Variants in FAM13C observed in about 807,000 individuals in gnomAD.
FAM13C encodes protein FAM13C.
Under a neutral mutation model 73.2 loss-of-function variants are expected in FAM13C, and 37 were observed. The ratio of observed to expected loss-of-function variants is 0.51; its 90% CI spans 0.39 to 0.67. The LOEUF (loss-of-function observed/expected upper bound fraction) is 0.67, where lower values mean the gene tolerates loss of function less well. Ranked by LOEUF, FAM13C falls within the 30% of genes least tolerant of loss-of-function variation. The probability of loss-of-function intolerance (pLI) is 0.00; values close to 1 mark genes in which losing one functional copy is unlikely to be tolerated. For missense variants in FAM13C, 589 were observed against 715.6 expected, an observed-to-expected ratio of 0.82 and a Z score of 2.02; for synonymous variants, 246 against 260.9, an observed-to-expected ratio of 0.94 and a Z score of 0.55.
rs1307766815 is a variant in FAM13C at position 59,246,862 on chromosome 10, T to C, written c.*752A>G. 7 of 376,004 alleles carry C rather than the reference T, an allele frequency of 1.9e-5. No homozygotes were observed. Among genetic ancestry groups the C allele is most frequent in the Non-Finnish European group, 2.8e-5 (6 of 212,278 alleles). 23.3% of individuals were successfully genotyped at this position (376,004 alleles called of 1,614,324 possible). A position where few individuals can be genotyped will look rare whatever the true frequency, so the allele number is the denominator to read the frequency against. On this transcript the variant is annotated 3_prime_UTR_variant, in exon 14 of 14. Transcript: ENST00000618804. ...CATTAGATTATATACTACAGACACA[T>C]ATCTATCCAAAATACCTATTTTAAA...
rs189345146 is a variant in FAM13C, at chr10:59,297,953, A to C, written c.507+4848T>G. 3.0e-3 allele frequency among the ~76,000 whole-genome samples: 462 copies of C among 152,094 alleles called. 3 individuals are homozygous for C. Among genetic ancestry groups the C allele is most frequent in the African/African-American group, 0.011 (442 of 41,510 alleles). Reference sequence around the variant, plus strand: ...GAAGTATTTCTCCCATTGATGCCTTAAGTCTTAGCTACCTTGAAATCCCCG... The same window carrying C: ...GAAGTATTTCTCCCATTGATGCCTTCAGTCTTAGCTACCTTGAAATCCCCG... On this transcript the variant is annotated intron_variant, in intron 5 of 13. Transcript: ENST00000618804.
intron 5 of FAM13C, among the ~76,000 whole-genome samples, chr10:59,292,747 C>A (rs1846413363): frequency 1.3e-5 from 2 of 152,132 alleles, no homozygotes; most frequent in South Asian, 4.1e-4. Context: ...TACATATTTA[C>A]AGGGTACACG....
intron 4 of FAM13C, among the ~76,000 whole-genome samples, chr10:59,321,893 G>T (rs1221346432): frequency 1.3e-5 from 2 of 152,046 alleles, no homozygotes; most frequent in African/African-American, 4.8e-5. Context: ...TTCTTACAGT[G>T]TTCATTATAT....
At chr10:59,256,585 C>T (rs1302821609) in intron 10 of FAM13C, among the ~76,000 whole-genome samples, 6 of 152,044 alleles carry the variant, frequency 3.9e-5, no homozygotes, top group African/African-American at 1.4e-4. Flanking sequence ...GGTTCCATAC[C>T]CTCATGCATA....
chr10:59,269,417 T>TACACACACACACACACACAC (rs10532470), intron 7 of FAM13C, among the ~76,000 whole-genome samples: 3 of 146,552 alleles, frequency 2.0e-5, no homozygotes, highest in African/African-American at 7.6e-5. Context: ...GGCATCCGAT[T>TACACACACACACACACACAC]ACACACACAC....
Position 59,315,689 on chromosome 10 carries a change from C to T in FAM13C, c.443+8299G>A, listed in dbSNP as rs116023314. ...ATGCTAGAGCCAGAAGCACTTTGCCCTTAGCACAATGTGAACTAGAACACC... is the reference window on the plus strand; with the variant it reads ...ATGCTAGAGCCAGAAGCACTTTGCCTTTAGCACAATGTGAACTAGAACACC... On this transcript the variant is annotated intron_variant, in intron 4 of 13. Coordinates refer to ENST00000618804, the MANE Select transcript of FAM13C (RefSeq NM_198215.4). Among the ~76,000 whole-genome samples the T allele has an allele frequency of 6.0e-3, 910 of 152,250 alleles. 9 individuals carry two copies. Among genetic ancestry groups the T allele is most frequent in the African/African-American group, 0.021 (873 of 41,548 alleles).
intron 8 of FAM13C, among the ~76,000 whole-genome samples, chr10:59,268,257 A>G (rs562204636): frequency 6.6e-6 from 1 of 152,286 alleles, no homozygotes; most frequent in East Asian, 1.9e-4. Flanking sequence ...GAAGACCATA[A>G]TTCAAAGCTT....
At chr10:59,272,979 A>G (rs942707572) in intron 6 of FAM13C, among the ~76,000 whole-genome samples, 1 of 152,180 alleles carries the variant, frequency 6.6e-6, no homozygotes, top group Non-Finnish European at 1.5e-5. Context: ...ACAATAAAAT[A>G]GGACAATTAT....
intron 5 of FAM13C, among the ~76,000 whole-genome samples, chr10:59,290,227 A>G (rs1846063921): frequency 6.6e-6 from 1 of 152,186 alleles, no homozygotes; most frequent in African/African-American, 2.4e-5. Flanking sequence ...CACAGGCTGG[A>G]TGGTTAAATA....
Position 59,296,019 on chromosome 10 carries a change from A to G in FAM13C, c.507+6782T>C, listed in dbSNP as rs571023369. On this transcript the variant is annotated intron_variant, in intron 5 of 13. Coordinates refer to ENST00000618804, the MANE Select transcript of FAM13C (RefSeq NM_198215.4). Reference sequence around the variant, plus strand: ...TCACTCAATCCCAAACTAAGGCCTAACCCTATAGACTGGGTTTGCATTTGA... The same window carrying G: ...TCACTCAATCCCAAACTAAGGCCTAGCCCTATAGACTGGGTTTGCATTTGA... 3.5e-4 allele frequency among the ~76,000 whole-genome samples: 54 copies of G among 152,236 alleles called. 1 individual carries two copies. In the East Asian group the frequency reaches 9.3e-3, roughly 26 times the overall value.
rs148715812 is a variant in FAM13C at position 59,293,069 on chromosome 10, C to CTTTTTTTTTTTTTTTTT, written c.508-9639_508-9623dup. Among the ~76,000 whole-genome samples, 14 of 109,524 alleles carry CTTTTTTTTTTTTTTTTT rather than the reference C, an allele frequency of 1.3e-4. 1 individual carries two copies. Among genetic ancestry groups the CTTTTTTTTTTTTTTTTT allele is most frequent in the African/African-American group, 2.4e-4 (6 of 25,492 alleles). The allele number at this position is 109,524 out of a possible 152,430, so 71.9% of individuals were successfully genotyped here. A position where few individuals can be genotyped will look rare whatever the true frequency, so the allele number is the denominator to read the frequency against. On this transcript the variant is annotated intron_variant, in intron 5 of 13. Coordinates refer to ENST00000618804, the MANE Select transcript of FAM13C (RefSeq NM_198215.4). Reference sequence around the variant, plus strand: ...TCTGAGATCAACATTTTTTCTTTTTCTTTTTTTTTTTTTTTTTTTTTTGAG... The same window carrying CTTTTTTTTTTTTTTTTT: ...TCTGAGATCAACATTTTTTCTTTTTCTTTTTTTTTTTTTTTTTTTTTTTTTTTTTTTTTTTTTTTGAG...
chr10:59,263,343 G>T (rs1008988077), intron 9 of FAM13C, among the ~76,000 whole-genome samples: 5 of 152,070 alleles, frequency 3.3e-5, no homozygotes, highest in Non-Finnish European at 5.9e-5. Flanking sequence ...TTTGTTTGAT[G>T]TTTGTTTCCT....
intron 10 of FAM13C, among the ~76,000 whole-genome samples, chr10:59,258,870 T>C (rs1018444067): frequency 2.0e-5 from 3 of 152,204 alleles, no homozygotes; most frequent in Non-Finnish European, 2.9e-5. Context: ...GTATACTTTC[T>C]AAAAATCTGA....
chr10:59,334,689 C>T (rs182741662), intron 3 of FAM13C, among the ~76,000 whole-genome samples: 13 of 145,916 alleles, frequency 8.9e-5, no homozygotes, highest in African/African-American at 3.3e-4. Context: ...TGTTCTTACT[C>T]ATAGGTGGGA....
At chr10:59,332,242 G>A (rs1419181668) in intron 3 of FAM13C, among the ~76,000 whole-genome samples, 2 of 150,486 alleles carry the variant, frequency 1.3e-5, no homozygotes, top group East Asian at 3.9e-4. Flanking sequence ...GTATATATAT[G>A]TGTGTGTGTG....
chr10:59,265,252 T>C (rs988806539), intron 8 of FAM13C, among the ~76,000 whole-genome samples: 3 of 146,958 alleles, frequency 2.0e-5, no homozygotes, highest in Non-Finnish European at 3.0e-5. Flanking sequence ...CAATGTTTCT[T>C]TCCTAGAAGA....
rs1261313913 is a variant in FAM13C, at chr10:59,246,556, A to G, written c.*1058T>C. On this transcript the variant is annotated 3_prime_UTR_variant, in exon 14 of 14. Transcript: ENST00000618804. ...TGACCTTTTACTTCCTTTTACAAAA[A>G]TGAAAATAATAAACATGTTTTCGTA... 5.1e-6 allele frequency: 2 copies of G among 395,774 alleles called. No homozygotes were observed. The highest frequency in any genetic ancestry group is 8.9e-6 in the Non-Finnish European group (2 of 223,994). The allele number at this position is 395,774 out of a possible 1,614,324, so 24.5% of individuals were successfully genotyped here. A position where few individuals can be genotyped will look rare whatever the true frequency, so the allele number is the denominator to read the frequency against.
Position 59,352,296 on chromosome 10 carries a change from T to C in FAM13C, c.298A>G (p.Ser100Gly). The C allele has an allele frequency of 6.2e-7, 1 of 1,614,054 alleles. No individual in the cohort carries two copies. The highest frequency in any genetic ancestry group is 8.5e-7 in the Non-Finnish European group (1 of 1,180,004). The change falls in exon 3 of 14, where the codon AGC (serine) becomes GGC (glycine). Residue 100 changes from serine to glycine, a missense_variant. By Grantham distance (56) the Ser-to-Gly change is moderately conservative. Coordinates refer to ENST00000618804, the MANE Select transcript of FAM13C (RefSeq NM_198215.4). ...TGACTTTCTCCGTGGCTCCTCCCGC[T>C]CTCCGCTTTGAAGATGGACTTGGGC... Reference protein sequence around the residue: ...RKPKSIFKAESGRSHGESQET... With the variant: ...RKPKSIFKAEGGRSHGESQET...
At chr10:59,362,372 C>CTAATTT (rs1856522462) in intron 1 of FAM13C, 27 bp downstream of exon 1, 1 of 1,612,126 alleles carries the variant, frequency 6.2e-7, no homozygotes. Flanking sequence ...GCATGCAAGT[C>CTAATTT]TAATTTTAAT....
Sources: allele counts gnomAD v4.1 joint callset (sites outside exome capture counted in the v4.1 genomes callset), GRCh38; gene constraint gnomAD v4.1.1; transcripts MANE v1.5; gene names NCBI Gene and HGNC (gene_info 2026-07-23, HGNC 2026-07-21).